SORT1: variants seen among roughly 807,000 people sequenced by gnomAD.
The protein encoded by SORT1 is sortilin 1, also known as sortilin.
A neutral mutation model predicts 101.7 loss-of-function variants in SORT1; 39 were observed. The observed-to-expected ratio is 0.38, with a 90% CI of 0.30 to 0.50. The LOEUF is 0.50. SORT1 is among the 20% of genes least tolerant of loss of function. The pLI is 0.90. For missense variants in SORT1, 878 were observed against 1,040.4 expected (o/e 0.84, Z 2.15); for synonymous variants, 396 against 393.7 (o/e 1.01, Z -0.07).
chr1:109,382,608 G>A (rs1429490294), intron 1 of SORT1, among the ~76,000 whole-genome samples: 1 of 152,154 alleles, frequency 6.6e-6, no homozygotes, highest in Non-Finnish European at 1.5e-5. Context: ...CCTTTTCAGA[G>A]TCACATTCAG....
chr1:109,346,106 T>TA, intron 7 of SORT1, among the ~76,000 whole-genome samples: 1 of 151,828 alleles, frequency 6.6e-6, no homozygotes, highest in Admixed American at 6.6e-5. Flanking sequence ...GGTCAGGAGA[T>TA]AGAGACCAAA....
Position 109,327,594 on chromosome 1 carries a change from A to G in SORT1, c.1379T>C (p.Leu460Pro). The change falls in exon 12 of 20, where the codon CTT becomes CCT. Residue 460 changes from leucine to proline, a missense_variant. Transcript: ENST00000256637. ...ATAKNKNECS[L>P]HIHASYSISQ... ...GATGCTGTAGGAAGCATGAATATGA[A>G]GGCTGCACTGTGAAAAGAAACAAAA... 1 of 1,585,622 alleles carries G rather than the reference A, an allele frequency of 6.3e-7. No homozygotes were observed. The highest frequency in any genetic ancestry group is 8.6e-7 in the Non-Finnish European group (1 of 1,167,276).
Position 109,342,157 on chromosome 1 carries a change from T to C in SORT1, c.965A>G (p.Asp322Gly). ...TGAAACGTGGATCCTTCTTGTTGTA[T>C]CCTAGAACAGATGTCAATATTTATC... ...FLFASVMADK[D>G]TTRRIHVSTD... The change falls in exon 9 of 20, where the codon GAT becomes GGT. Residue 322 changes from aspartate (D) to glycine (G), a missense_variant and splice_region_variant. Asp to Gly is a moderately conservative substitution (Grantham distance 94). Transcript: ENST00000256637. The C allele has an allele frequency of 6.2e-7, 1 of 1,606,354 alleles. No individual in the cohort carries two copies. The highest frequency in any genetic ancestry group is 1.1e-5 in the South Asian group (1 of 90,072).
chr1:109,370,576 C>T (rs369491239), intron 1 of SORT1, among the ~76,000 whole-genome samples: 71 of 152,160 alleles, frequency 4.7e-4, no homozygotes, highest in Admixed American at 7.8e-4. Context: ...TTCTCTTTTC[C>T]AGGCCACATG....
intron 1 of SORT1, among the ~76,000 whole-genome samples, chr1:109,389,293 C>T (rs1410384217): frequency 3.3e-5 from 5 of 152,164 alleles, no homozygotes; most frequent in Non-Finnish European, 5.9e-5. Context: ...TGACGGGAAA[C>T]TGAGGCCTAG....
At chr1:109,331,074 C>G (rs1407632203) in intron 11 of SORT1, among the ~76,000 whole-genome samples, 1 of 152,148 alleles carries the variant, frequency 6.6e-6, no homozygotes, top group Admixed American at 6.5e-5. Context: ...TTCTCAAACT[C>G]TTCCAAAAAT....
At chr1:109,374,729 C>T (rs190267634) in intron 1 of SORT1, among the ~76,000 whole-genome samples, 8 of 152,118 alleles carry the variant, frequency 5.3e-5, no homozygotes, top group African/African-American at 1.7e-4. Context: ...GAGACTGAGG[C>T]GGGCAGATCA....
rs1297460370 is a variant in SORT1, at chr1:109,345,796, A to G, written c.918T>C (p.Phe306=). 1.9e-6 allele frequency: 3 copies of G among 1,614,042 alleles called. No homozygotes were observed. In the Admixed American group the frequency reaches 5.0e-5, roughly 27 times the overall value. ...FKTIGVKIYS[F]GLGGRFLFAS... is the part of the protein sequence containing the mutation. Reference sequence around the variant, plus strand: ...CAAAAAGGAAACGTCCCCCAAGACCAAATGAGTAGATTTTCACACCAATAG... The same window carrying G: ...CAAAAAGGAAACGTCCCCCAAGACCGAATGAGTAGATTTTCACACCAATAG... Residue 306 remains phenylalanine, a synonymous_variant, in exon 8 of 20, where the codon TTT becomes TTC. Transcript: ENST00000256637.
chr1:109,340,808 G>C lies in SORT1; in HGVS notation c.1180C>G (p.Leu394Val), dbSNP rs766809825. 1.2e-6 allele frequency: 2 copies of C among 1,613,916 alleles called. No individual in the cohort carries two copies. The highest frequency in any genetic ancestry group is 1.6e-4 in the Middle Eastern group (1 of 6,062). Residue 394 changes from leucine (L) to valine (V), a missense_variant, in exon 10 of 20, where the codon CTC becomes GTC. By Grantham distance (32) the Leu-to-Val change is conservative. Coordinates refer to ENST00000256637, the MANE Select transcript of SORT1 (RefSeq NM_002959.7). ...GTCTCTCCGCCTGTGGTAGTGTAGA[G>C]ATGTCGGTCCAAAGACTTGGAATAG... ...IVYSKSLDRH[L>V]YTTTGGETDF...
At chr1:109,351,965 G>GGGGTGTGTGTGTGT (rs932648162) in intron 5 of SORT1, among the ~76,000 whole-genome samples, 19 of 147,512 alleles carry the variant, frequency 1.3e-4, no homozygotes, top group South Asian at 4.4e-4. Flanking sequence ...GAGAGGTAGG[G>GGGGTGTGTGTGTGT]GTGTGTGTGT....
At chr1:109,316,057 C>G (rs765492719) in intron 17 of SORT1, among the ~76,000 whole-genome samples, 2 of 151,924 alleles carry the variant, frequency 1.3e-5, no homozygotes, top group African/African-American at 4.8e-5. Context: ...CCACCATGCC[C>G]GACAGGTAAC....
intron 10 of SORT1, among the ~76,000 whole-genome samples, chr1:109,336,963 G>C (rs1307495648): frequency 6.6e-6 from 1 of 152,048 alleles, no homozygotes; most frequent in Non-Finnish European, 1.5e-5. Flanking sequence ...CTCCTTCCCT[G>C]TTTGCTTGCC....
rs372436830 is a variant in SORT1 at position 109,336,363 on chromosome 1, C to T, written c.1265-17G>A. The T allele has an allele frequency of 2.0e-6, 3 of 1,481,000 alleles. No individual in the cohort carries two copies. Among genetic ancestry groups the T allele is most frequent in the Non-Finnish European group, 2.8e-6 (3 of 1,058,286 alleles). 91.7% of individuals were successfully genotyped at this position (1,481,000 alleles called of 1,614,324 possible). On this transcript the variant is annotated splice_polypyrimidine_tract_variant and intron_variant, in intron 10 of 19. Transcript: ENST00000256637. Reference sequence around the variant, plus strand: ...TAGAATTATCTGAATGGGAAGAGAACAACATTAAGTCTGATACACTGGAAG... The same window carrying T: ...TAGAATTATCTGAATGGGAAGAGAATAACATTAAGTCTGATACACTGGAAG...
intron 6 of SORT1, among the ~76,000 whole-genome samples, chr1:109,348,865 AG>A (rs1649780256): frequency 6.6e-6 from 1 of 152,126 alleles, no homozygotes; most frequent in Non-Finnish European, 1.5e-5. Flanking sequence ...GCGACTGGGA[AG>A]GCTGAAGTGC....
chr1:109,310,293 CTTG>C lies in SORT1; in HGVS notation c.*3747_*3749del, dbSNP rs1276773036. 4.6e-5 allele frequency: 7 copies of C among 153,394 alleles called. No individual in the cohort carries two copies. Among genetic ancestry groups the C allele is most frequent in the Non-Finnish European group, 1.0e-4 (7 of 68,032 alleles). The allele number at this position is 153,394 out of a possible 1,614,324, so 9.5% of individuals were successfully genotyped here. ...GTTGTTTCGAATTAATGTTCTGACTCTTGTTATTATAATGCAACCTAACCAAGA... is the reference window on the plus strand; with the variant it reads ...GTTGTTTCGAATTAATGTTCTGACTCTTATTATAATGCAACCTAACCAAGA... On this transcript the variant is annotated 3_prime_UTR_variant, in exon 20 of 20. Coordinates refer to ENST00000256637, the MANE Select transcript of SORT1 (RefSeq NM_002959.7).
intron 11 of SORT1, among the ~76,000 whole-genome samples, chr1:109,333,084 T>C (rs1291719072): frequency 6.6e-6 from 1 of 152,094 alleles, no homozygotes; most frequent in African/African-American, 2.4e-5. Context: ...CACATCACCA[T>C]ACCCAGCTAA....
chr1:109,397,554 C>T, intron 1 of SORT1, 33 bp downstream of exon 1: 1 of 1,148,434 alleles, frequency 8.7e-7, no homozygotes, highest in Non-Finnish European at 1.1e-6. Context: ...GCACCTCGCA[C>T]CCGAGCGGCT....
chr1:109,360,135 G>T (rs1226154534), intron 3 of SORT1, among the ~76,000 whole-genome samples: 1 of 152,142 alleles, frequency 6.6e-6, no homozygotes, highest in African/African-American at 2.4e-5. Flanking sequence ...TCCCACCTCG[G>T]CCTCCCAAAG....
chr1:109,358,667 A>G (rs910002230), intron 3 of SORT1, among the ~76,000 whole-genome samples: 2 of 152,164 alleles, frequency 1.3e-5, no homozygotes, highest in Non-Finnish European at 2.9e-5. Context: ...CAGCCTGGCC[A>G]AGATGGTGAA....
Sources: allele counts gnomAD v4.1 joint callset (sites outside exome capture counted in the v4.1 genomes callset), GRCh38; gene constraint gnomAD v4.1.1; transcripts MANE v1.5; gene names NCBI Gene and HGNC (gene_info 2026-07-23, HGNC 2026-07-21).